Variants in GJA9 observed in about 807,000 individuals in gnomAD.
GJA9 encodes the protein gap junction alpha-9 protein.
GJA9 carries 1 observed loss-of-function variant against 0.4 expected under a neutral mutation model. The ratio of observed to expected loss-of-function variants is 2.50; its 90% CI spans 0.89 to 11.88. The LOEUF (loss-of-function observed/expected upper bound fraction) is 11.88, where lower values mean the gene tolerates loss of function less well. Among genes scored for constraint, GJA9 ranks in the 30% most tolerant of loss-of-function variants. GJA9 has a pLI of 0.12. For missense variants in GJA9, 550 were observed against 602.8 expected (o/e 0.91, Z 0.92); for synonymous variants, 190 against 219.1 (o/e 0.87, Z 1.17).
chr1:38,879,313 A>G (rs1318967435), intron 1 of GJA9, among the ~76,000 whole-genome samples: 1 of 152,236 alleles, frequency 6.6e-6, no homozygotes, highest in Non-Finnish European at 1.5e-5. Context: ...TTTAAAATAT[A>G]AATGTATGTC....
chr1:38,880,690 G>A (rs1047212935), intron 1 of GJA9, among the ~76,000 whole-genome samples: 1 of 151,748 alleles, frequency 6.6e-6, no homozygotes, highest in Non-Finnish European at 1.5e-5. Context: ...ACTGAGGCAG[G>A]AGAATCGCTT....
chr1:38,876,605 A>C (rs1444539841), intron 1 of GJA9, among the ~76,000 whole-genome samples: 1 of 152,140 alleles, frequency 6.6e-6, no homozygotes, highest in African/African-American at 2.4e-5. Flanking sequence ...CCAATAATAT[A>C]CTTAAATGTC....
In GJA9 at chr1:38,881,491, T is replaced by C. The variant is rs962856771; in HGVS notation, c.-155A>G. On this transcript the variant is annotated 5_prime_UTR_variant, in exon 1 of 2. It removes an upstream start codon present in the reference 5' UTR. Transcript: ENST00000357771. ...ATGTTTAGAAGTTACAGCATGGCCA[T>C]CTTCAATTTATTTTCTGAATTTGTC... is the stretch of plus-strand genomic sequence containing the variant. The C allele has an allele frequency of 4.3e-6, 3 of 700,694 alleles. No homozygotes were observed. The East Asian group carries it at 8.1e-5, about 19-fold the overall frequency. 43.4% of individuals were successfully genotyped at this position (700,694 alleles called of 1,614,324 possible). A position where few individuals can be genotyped will look rare whatever the true frequency, so the allele number is the denominator to read the frequency against.
At chr1:38,878,879 A>C (rs1459724752) in intron 1 of GJA9, among the ~76,000 whole-genome samples, 1 of 151,644 alleles carries the variant, frequency 6.6e-6, no homozygotes, top group Non-Finnish European at 1.5e-5. Context: ...TATTACAGAC[A>C]TGCGCCACCA....
In GJA9 at chr1:38,875,981, C is replaced by CT; in HGVS notation, c.117dup (p.Ala40SerfsTer3). On this transcript the variant is annotated frameshift_variant, in exon 2 of 2. Transcript: ENST00000357771. LOFTEE classifies it low-confidence loss of function (END_TRUNC). ...TCATCATTCCAGACATCTTCAGCTG[C>CT]TACACCCAGAACAAGCATTCGAAAT... The CT allele has an allele frequency of 6.2e-7, 1 of 1,614,224 alleles. No homozygotes were observed. Among genetic ancestry groups the CT allele is most frequent in the Non-Finnish European group, 8.5e-7 (1 of 1,180,034 alleles).
Position 38,875,648 on chromosome 1 carries a change from C to T in GJA9, c.451G>A (p.Gly151Arg), listed in dbSNP as rs574181685. The change falls in exon 2 of 2, where the codon GGA (glycine) becomes AGA (arginine). Residue 151 changes from glycine to arginine, a missense_variant. Coordinates refer to ENST00000357771, the MANE Select transcript of GJA9 (RefSeq NM_030772.5). ...ATCACATAAGTGCAAAGCAAGGTTCCTCTGAGTGGAGCTTTATTTAGTTTC... is the reference window on the plus strand; with the variant it reads ...ATCACATAAGTGCAAAGCAAGGTTCTTCTGAGTGGAGCTTTATTTAGTTTC... ...KRKLNKAPLR[G>R]TLLCTYVIHI... 3 of 1,614,056 alleles carry T rather than the reference C, an allele frequency of 1.9e-6. No individual in the cohort carries two copies. The highest frequency in any genetic ancestry group is 2.5e-6 in the Non-Finnish European group (3 of 1,180,036).
Position 38,875,542 on chromosome 1 carries a change from A to G in GJA9, c.557T>C (p.Leu186Pro). Residue 186 changes from leucine to proline, a missense_variant, in exon 2 of 2, where the codon CTA becomes CCA. By Grantham distance (98) the Leu-to-Pro change is moderately conservative. Coordinates refer to ENST00000357771, the MANE Select transcript of GJA9 (RefSeq NM_030772.5). ...ACACGGGTGGCCATGGCACTTAAAT[A>G]GCGGCTCTAAGTGAAATCCATATAA... ...YLLYGFHLEPLFKCHGHPCPN... is the reference protein window; with the variant it reads ...YLLYGFHLEPPFKCHGHPCPN... 1.2e-6 allele frequency: 2 copies of G among 1,614,260 alleles called. No homozygotes were observed. The highest frequency in any genetic ancestry group is 1.7e-6 in the Non-Finnish European group (2 of 1,180,048).
intron 1 of GJA9, among the ~76,000 whole-genome samples, chr1:38,880,006 C>T (rs537011944): frequency 1.4e-4 from 22 of 151,912 alleles, no homozygotes; most frequent in Admixed American, 3.9e-4. Flanking sequence ...CGTGAGCCAC[C>T]GCGCCCGGCT....
intron 1 of GJA9, among the ~76,000 whole-genome samples, chr1:38,880,413 A>AAATAATAAT (rs201524082): frequency 4.2e-5 from 5 of 119,790 alleles, no homozygotes; most frequent in African/African-American, 1.5e-4. Context: ...AAAAAAAAAT[A>AAATAATAAT]AATAATAATA....
intron 1 of GJA9, among the ~76,000 whole-genome samples, chr1:38,880,413 A>AAATAAAT (rs1553156731): frequency 4.2e-5 from 5 of 119,790 alleles, no homozygotes; most frequent in African/African-American, 1.5e-4. Flanking sequence ...AAAAAAAAAT[A>AAATAAAT]AATAATAATA....
At chr1:38,880,413 A>AAATAATAATAAT (rs201524082) in intron 1 of GJA9, among the ~76,000 whole-genome samples, 2 of 119,790 alleles carry the variant, frequency 1.7e-5, no homozygotes, top group African/African-American at 5.8e-5. Flanking sequence ...AAAAAAAAAT[A>AAATAATAATAAT]AATAATAATA....
At chr1:38,877,917 G>A (rs1448144505) in intron 1 of GJA9, among the ~76,000 whole-genome samples, 1 of 152,108 alleles carries the variant, frequency 6.6e-6, no homozygotes, top group Non-Finnish European at 1.5e-5. Flanking sequence ...GCTGTCATAG[G>A]AATTTAGATT....
At chr1:38,877,340 A>G (rs9439081) in intron 1 of GJA9, among the ~76,000 whole-genome samples, 58,517 of 152,034 alleles carry the variant, frequency 0.38, 11,904 homozygotes, top group Non-Finnish European at 0.45. Flanking sequence ...TGCCCAGCCT[A>G]TTGTTGTTTT....
At chr1:38,880,442 A>C (rs931737929) in intron 1 of GJA9, among the ~76,000 whole-genome samples, 1 of 111,658 alleles carries the variant, frequency 9.0e-6, no homozygotes, top group Non-Finnish European at 2.0e-5. Flanking sequence ...AATAATAATA[A>C]TAATAATAAT....
chr1:38,875,434 G>T lies in GJA9; in HGVS notation c.665C>A (p.Ser222Ter). The change falls in exon 2 of 2, where the codon TCA (serine) becomes TAA (stop). Residue 222 changes from serine (S) to a stop codon, truncating the protein, a stop_gained. Transcript: ENST00000357771. LOFTEE classifies it low-confidence loss of function (END_TRUNC). ...AATTTCAAGAATGTTTAAGAAAAGT[G>T]AAATAGTGGCTATAGATTGCATAAA... ...LLFMQSIATI[S>*]LFLNILEIFH... The T allele has an allele frequency of 1.9e-6, 3 of 1,613,848 alleles. No homozygotes were observed. Among genetic ancestry groups the T allele is most frequent in the Non-Finnish European group, 2.5e-6 (3 of 1,179,886 alleles).
chr1:38,875,729 C>CA lies in GJA9; in HGVS notation c.369dup (p.Glu124Ter), dbSNP rs752267862. 6 of 1,614,220 alleles carry CA rather than the reference C, an allele frequency of 3.7e-6. No homozygotes were observed. The Admixed American group carries it at 8.3e-5, about 22-fold the overall frequency. On this transcript the variant is annotated frameshift_variant, in exon 2 of 2. Transcript: ENST00000357771. LOFTEE classifies it low-confidence loss of function (END_TRUNC). Reference sequence around the variant, plus strand: ...AATCTCCTCCGATCCCTAGGCATTTCAAACTCTACCTCCTCCAGTTCTACT... The same window carrying CA: ...AATCTCCTCCGATCCCTAGGCATTTCAAAACTCTACCTCCTCCAGTTCTACT...
In GJA9 at chr1:38,874,761, C is replaced by A. The variant is rs1557599016; in HGVS notation, c.1338G>T (p.Gln446His). The A allele has an allele frequency of 6.2e-7, 1 of 1,614,188 alleles. No individual in the cohort carries two copies. Among genetic ancestry groups the A allele is most frequent in the Non-Finnish European group, 8.5e-7 (1 of 1,180,036 alleles). Residue 446 changes from glutamine to histidine, a missense_variant, in exon 2 of 2, where the codon CAG becomes CAT. Transcript: ENST00000357771. The stretch of plus-strand genomic sequence containing the variant: ...GGGTTCTGACTGTGCCCTTTCTGAA[C>A]TGGCCCTTGAGGTTACCTTTAGGAG... ...GSPPKGNLKGQFRKGTVRTLP... is the reference protein window; with the variant it reads ...GSPPKGNLKGHFRKGTVRTLP...
rs1307242310 is a variant in GJA9 at position 38,874,438 on chromosome 1, T to C, written c.*113A>G. 1 of 734,586 alleles carries C rather than the reference T, an allele frequency of 1.4e-6. No homozygotes were observed. 45.5% of individuals were successfully genotyped at this position (734,586 alleles called of 1,614,324 possible). On this transcript the variant is annotated 3_prime_UTR_variant, in exon 2 of 2. Transcript: ENST00000357771. ...TCTCTTGCTTAAATGAGTTTGCAGT[T>C]GTCTGTCTTAACAGCTGGTCTTTAG...
chr1:38,878,382 C>T (rs1642628579), intron 1 of GJA9, among the ~76,000 whole-genome samples: 2 of 150,764 alleles, frequency 1.3e-5, no homozygotes, highest in Non-Finnish European at 3.0e-5. Flanking sequence ...TAAATTCTTA[C>T]GTTAAAATGA....
Sources: allele counts gnomAD v4.1 joint callset (sites outside exome capture counted in the v4.1 genomes callset), GRCh38; gene constraint gnomAD v4.1.1; transcripts MANE v1.5; gene names NCBI Gene and HGNC (gene_info 2026-07-23, HGNC 2026-07-21).